The following NBDY variants were observed in gnomAD, a reference collection of about 807,000 sequenced individuals.
NBDY encodes P-body dissociating protein.
intron 2 of NBDY, among the ~76,000 whole-genome samples, chrX:56,785,308 CTG>C (rs1448542620): frequency 2.7e-5 from 3 of 111,510 alleles, no homozygotes; most frequent in African/African-American, 9.8e-5. Flanking sequence ...AAGATTTGGA[CTG>C]TGTCTTTGGG....
chrX:56,800,430 T>G (rs1447172987), intron 2 of NBDY, among the ~76,000 whole-genome samples: 1 of 111,318 alleles, frequency 9.0e-6, no homozygotes, highest in Non-Finnish European at 1.9e-5. Context: ...TATTTGCTGG[T>G]GGAGTGTGTG....
intron 2 of NBDY, among the ~76,000 whole-genome samples, chrX:56,814,734 C>G (rs1359317957): frequency 9.0e-6 from 1 of 111,107 alleles, no homozygotes; most frequent in African/African-American, 3.3e-5. Flanking sequence ...ACCTCGTGAT[C>G]TGCTCACCTC....
At chrX:56,747,266 T>G (rs2069562394) in intron 2 of NBDY, among the ~76,000 whole-genome samples, 1 of 111,971 alleles carries the variant, frequency 8.9e-6, no homozygotes, top group Non-Finnish European at 1.9e-5. Context: ...ACTGGTTTGG[T>G]AAGTTCTGTA....
intron 2 of NBDY, among the ~76,000 whole-genome samples, chrX:56,746,982 G>A (rs1470033885): frequency 8.9e-6 from 1 of 111,804 alleles, no homozygotes; most frequent in Non-Finnish European, 1.9e-5. Context: ...AATCACATCA[G>A]TAAAGTTCCT....
intron 2 of NBDY, among the ~76,000 whole-genome samples, chrX:56,816,237 A>G (rs1404225976): frequency 9.0e-6 from 1 of 111,399 alleles, no homozygotes; most frequent in Non-Finnish European, 1.9e-5. Flanking sequence ...GCCAATAATA[A>G]TAATAAATAT....
At chrX:56,740,794 A>G (rs965668667) in intron 2 of NBDY, among the ~76,000 whole-genome samples, 12 of 111,113 alleles carry the variant, frequency 1.1e-4, no homozygotes, top group African/African-American at 3.9e-4. Flanking sequence ...ATGTTTTGAT[A>G]CATGCAAAGT....
In NBDY at chrX:56,815,228, G is replaced by A. The variant is rs994550725; in HGVS notation, c.*167-2092G>A. On this transcript the variant is annotated intron_variant, in intron 2 of 2. Coordinates refer to ENST00000374922, the MANE Select transcript of NBDY (RefSeq NM_001348129.2). ...TAAACCAAAATACAGTATAGTATCT[G>A]GTAAAGAGATTTAAACCTATGTTGC... 2.7e-5 allele frequency among the ~76,000 whole-genome samples: 3 copies of A among 111,221 alleles called. No homozygotes were observed. The Admixed American group carries it at 2.9e-4, about 11-fold the overall frequency.
intron 2 of NBDY, among the ~76,000 whole-genome samples, chrX:56,811,744 C>T (rs1218410320): frequency 8.9e-6 from 1 of 111,759 alleles, no homozygotes; most frequent in African/African-American, 3.3e-5. Flanking sequence ...TGGCTTCAGC[C>T]TCCTTTCCAA....
chrX:56,816,411 T>G (rs61035958), intron 2 of NBDY, among the ~76,000 whole-genome samples: 14,413 of 110,814 alleles, frequency 0.13, 1,972 homozygotes, highest in African/African-American at 0.41. Flanking sequence ...TTTTGACTTG[T>G]GTTTTATTTG....
chrX:56,730,513 C>CAAAAAAAA (rs1157131797), intron 1 of NBDY, among the ~76,000 whole-genome samples: 452 of 11,211 alleles, frequency 0.04, 164 homozygotes, highest in East Asian at 0.07. Context: ...AACTACGTCT[C>CAAAAAAAA]AAAAAAAAAA....
At chrX:56,757,747 C>A (rs1213836961) in intron 2 of NBDY, among the ~76,000 whole-genome samples, 4 of 110,284 alleles carry the variant, frequency 3.6e-5, no homozygotes, top group South Asian at 3.9e-4. Flanking sequence ...GGTTTGTCTT[C>A]AAAAAATCCA....
At chrX:56,807,197 T>C (rs2069856145) in intron 2 of NBDY, among the ~76,000 whole-genome samples, 1 of 112,392 alleles carries the variant, frequency 8.9e-6, no homozygotes, top group Non-Finnish European at 1.9e-5. Flanking sequence ...ACCAGTATCA[T>C]GCTGTTTTGG....
intron 2 of NBDY, among the ~76,000 whole-genome samples, chrX:56,735,078 T>G (rs1478113334): frequency 8.9e-6 from 1 of 112,141 alleles, no homozygotes; most frequent in Non-Finnish European, 1.9e-5. Flanking sequence ...CAAGCCTGTG[T>G]GTTTCAGGTA....
chrX:56,781,498 T>G (rs2069690546), intron 2 of NBDY, among the ~76,000 whole-genome samples: 1 of 111,876 alleles, frequency 8.9e-6, no homozygotes, highest in South Asian at 3.7e-4. Flanking sequence ...TTATCCTGTG[T>G]GAGGACACAG....
chrX:56,797,089 CCTT>C (rs1184812939), intron 2 of NBDY, among the ~76,000 whole-genome samples: 10 of 109,515 alleles, frequency 9.1e-5, no homozygotes, highest in Non-Finnish European at 1.5e-4. Context: ...AACTCCCTCT[CCTT>C]CTTCTTCTTT....
rs927297016 is a variant in NBDY at position 56,819,083 on chromosome X, A to G, written c.*1930A>G. The G allele has an allele frequency of 9.0e-6, 1 of 110,755 alleles. No individual in the cohort carries two copies. Among genetic ancestry groups the G allele is most frequent in the African/African-American group, 3.3e-5 (1 of 30,493 alleles). 9.1% of individuals were successfully genotyped at this position (110,755 alleles called of 1,213,427 possible). A position where few individuals can be genotyped will look rare whatever the true frequency, so the allele number is the denominator to read the frequency against. ...CCAAAGACTCAAATATAAGGGTTAC[A>G]CTATAAAACTCTTGGGAGGAAATAT... On this transcript the variant is annotated 3_prime_UTR_variant, in exon 3 of 3. Transcript: ENST00000374922.
intron 2 of NBDY, among the ~76,000 whole-genome samples, chrX:56,763,659 G>A (rs183639304): frequency 2.7e-5 from 3 of 112,240 alleles, no homozygotes; most frequent in Non-Finnish European, 3.8e-5. Flanking sequence ...ACGGGCAAGA[G>A]CCATGAAACC....
intron 2 of NBDY, among the ~76,000 whole-genome samples, chrX:56,797,061 T>C (rs916999677): frequency 1.8e-5 from 2 of 109,199 alleles, no homozygotes; most frequent in Non-Finnish European, 1.9e-5. Context: ...TTTCCTCCTT[T>C]CCTCCTCCTC....
At chrX:56,796,845 C>T (rs1016839867) in intron 2 of NBDY, among the ~76,000 whole-genome samples, 1 of 110,843 alleles carries the variant, frequency 9.0e-6, no homozygotes, top group African/African-American at 3.3e-5. Flanking sequence ...ATCTCATTGA[C>T]AAGAAGCTTC....
Sources: gnomAD v4.1 joint callset for allele counts (sites outside exome capture counted in the v4.1 genomes callset) on GRCh38, gnomAD v4.1.1 for gene constraint, MANE v1.5 for transcripts, NCBI Gene and HGNC (gene_info 2026-07-23, HGNC 2026-07-21) for gene names.